The following PCDH12 variants were observed in gnomAD, a reference collection of about 807,000 sequenced individuals.
The protein encoded by PCDH12 is protocadherin-12.
A neutral mutation model predicts 70.9 loss-of-function variants in PCDH12; 45 were observed. That is an observed-to-expected ratio of 0.63 (90% CI 0.50 to 0.81). PCDH12 has a LOEUF of 0.81. Ranked by LOEUF, PCDH12 falls within the 40% of genes least tolerant of loss-of-function variation. The pLI, the probability that PCDH12 is intolerant of heterozygous loss-of-function variation, is 0.00. For missense variants in PCDH12, 1,370 were observed against 1,491.7 expected, an observed-to-expected ratio of 0.92 and a Z score of 1.34; for synonymous variants, 567 against 626.0, an observed-to-expected ratio of 0.91 and a Z score of 1.41.
At position 141,951,593 on chromosome 5, in the gene PCDH12, A is replaced by G; in HGVS notation, c.2881-3T>C. On this transcript the variant is annotated splice_polypyrimidine_tract_variant and splice_region_variant and intron_variant, in intron 1 of 3. Coordinates refer to ENST00000231484, the MANE Select transcript of PCDH12 (RefSeq NM_016580.4). ...AAGGACAGCAGCTGGGAGATTTGCT[A>G]CAAGACAGGAAAAATCTGTTGACTC... 6.2e-7 allele frequency: 1 copy of G among 1,612,140 alleles called. No homozygotes were observed. The highest frequency in any genetic ancestry group is 8.5e-7 in the Non-Finnish European group (1 of 1,178,126).
rs980719850 is a variant in PCDH12 at position 141,944,520 on chromosome 5, T to C, written c.*861A>G. The C allele has an allele frequency of 6.6e-6, 1 of 152,214 alleles. No homozygotes were observed. Among genetic ancestry groups the C allele is most frequent in the Non-Finnish European group, 1.5e-5 (1 of 68,068 alleles). The allele number at this position is 152,214 out of a possible 1,614,324, so 9.4% of individuals were successfully genotyped here. On this transcript the variant is annotated 3_prime_UTR_variant, in exon 4 of 4. Coordinates refer to ENST00000231484, the MANE Select transcript of PCDH12 (RefSeq NM_016580.4). ...CAGGCTGGTGTCAAGGTTGAAGGCA[T>C]GGGTTTTGGTGTTGGCCCAGCCTGG...
Position 141,955,010 on chromosome 5 carries a change from G to A in PCDH12, c.2842C>T (p.Pro948Ser), listed in dbSNP as rs773810499. 1 of 1,614,098 alleles carries A rather than the reference G, an allele frequency of 6.2e-7. No homozygotes were observed. The highest frequency in any genetic ancestry group is 1.7e-4 in the Middle Eastern group (1 of 6,056). ...GAATCCACAGTGAGCTCCTCCACGG[G>A]GTTCCGCTCGGCGAAGGCAGCCACA... ...LSVAAFAERN[P>S]VEELTVDSPP... The change falls in exon 1 of 4, where the codon CCC becomes TCC. Residue 948 changes from proline (P) to serine (S), a missense_variant. Physicochemically the swap from Pro to Ser is moderately conservative, Grantham distance 74. Transcript: ENST00000231484. This position sits in a 1 kb window ranked among gnomAD's most constrained non-coding sequence, Gnocchi z 5.5.
chr5:141,946,283 T>C (rs1238123464), intron 3 of PCDH12, among the ~76,000 whole-genome samples: 2 of 152,178 alleles, frequency 1.3e-5, no homozygotes, highest in Non-Finnish European at 2.9e-5. Flanking sequence ...GACCACATAT[T>C]AGGTACTTAC....
chr5:141,948,384 C>T (rs1260267605), intron 3 of PCDH12, among the ~76,000 whole-genome samples: 2 of 152,184 alleles, frequency 1.3e-5, no homozygotes, highest in Non-Finnish European at 2.9e-5. Context: ...AGATGGAGCA[C>T]ATGAGAAACA....
At position 141,946,038 on chromosome 5, in the gene PCDH12, G is replaced by C. The variant is rs117012609; in HGVS notation, c.3131-233C>G. On this transcript the variant is annotated intron_variant, in intron 3 of 3. Coordinates refer to ENST00000231484, the MANE Select transcript of PCDH12 (RefSeq NM_016580.4). ...GGCGAACCAAGTGGGGAAGCAGCAGGAGGAGGAGAAGGCCTAGAAGTAGAA... is the reference window on the plus strand; with the variant it reads ...GGCGAACCAAGTGGGGAAGCAGCAGCAGGAGGAGAAGGCCTAGAAGTAGAA... Among the ~76,000 whole-genome samples, 111 of 152,326 alleles carry C rather than the reference G, an allele frequency of 7.3e-4. 1 individual carries two copies. The East Asian group carries it at 0.017, about 23-fold the overall frequency.
At chr5:141,952,887 A>G (rs1406847966) in intron 1 of PCDH12, 1 of 152,204 alleles carries the variant, frequency 6.6e-6, no homozygotes, top group Non-Finnish European at 1.5e-5. Context: ...TAGGAGGTCC[A>G]CCATGCCCCT....
chr5:141,946,487 C>G (rs749991556), intron 3 of PCDH12, among the ~76,000 whole-genome samples: 78 of 152,316 alleles, frequency 5.1e-4, no homozygotes, highest in Non-Finnish European at 9.7e-4. Context: ...TACCCTCTCT[C>G]TGAAGAGCTG....
rs1753030791 is a variant in PCDH12 at position 141,949,541 on chromosome 5, T to C, written c.3021A>G (p.Gly1007=). The change falls in exon 3 of 4, where the codon GGA becomes GGG. Residue 1007 remains glycine (G), a synonymous_variant. Coordinates refer to ENST00000231484, the MANE Select transcript of PCDH12 (RefSeq NM_016580.4). ...PDTDGPSARA[G]GQTDPEQEEG... is the part of the protein sequence containing the mutation. ...CCTCCTGTTCTGGGTCTGTCTGGCC[T>C]CCAGCCCTTGCACTTGGGCCATCTG... 1.2e-6 allele frequency: 2 copies of C among 1,614,086 alleles called. No homozygotes were observed. Among genetic ancestry groups the C allele is most frequent in the African/African-American group, 2.7e-5 (2 of 74,936 alleles).
rs1162605866 is a variant in PCDH12, at chr5:141,955,682, C to T, written c.2170G>A (p.Val724Ile). 1 of 1,614,162 alleles carries T rather than the reference C, an allele frequency of 6.2e-7. No homozygotes were observed. Among genetic ancestry groups the T allele is most frequent in the Non-Finnish European group, 8.5e-7 (1 of 1,180,028 alleles). Reference protein sequence around the residue: ...MSMLTVICLAVLLGIFGLILA... With the variant: ...MSMLTVICLAILLGIFGLILA... Reference sequence around the variant, plus strand: ...ATCAACCCGAAGATGCCCAACAGTACAGCCAGGCAGATCACCGTCAGCATC... The same window carrying T: ...ATCAACCCGAAGATGCCCAACAGTATAGCCAGGCAGATCACCGTCAGCATC... Residue 724 changes from valine (V) to isoleucine (I), a missense_variant, in exon 1 of 4, where the codon GTA (valine) becomes ATA (isoleucine). Coordinates refer to ENST00000231484, the MANE Select transcript of PCDH12 (RefSeq NM_016580.4). This position sits in a 1 kb window ranked among gnomAD's most constrained non-coding sequence, Gnocchi z 5.5.
intron 3 of PCDH12, among the ~76,000 whole-genome samples, chr5:141,946,527 C>T (rs974740861): frequency 1.3e-5 from 2 of 152,154 alleles, no homozygotes; most frequent in East Asian, 1.9e-4. Context: ...ACTCCAGGTG[C>T]CCAGCTGGGG....
intron 2 of PCDH12, among the ~76,000 whole-genome samples, chr5:141,950,268 C>A (rs1210948978): frequency 6.6e-6 from 1 of 152,190 alleles, no homozygotes; most frequent in East Asian, 1.9e-4. Context: ...TGGGGACAGG[C>A]CTGGACCCTC....
Position 141,949,474 on chromosome 5 carries a change from G to T in PCDH12, c.3088C>A (p.Leu1030Met), listed in dbSNP as rs1232958866. Residue 1030 changes from leucine (L) to methionine (M), a missense_variant, in exon 3 of 4, where the codon CTG (leucine) becomes ATG (methionine). Leu to Met is a conservative substitution (Grantham distance 15). Transcript: ENST00000231484. The stretch of plus-strand genomic sequence containing the variant: ...AGACTTGACAGCTCTTCTTCTAGCA[G>T]TTGCTTCACAGAGAGGTCCTCTTCA... ...DPEEDLSVKQ[L>M]LEEELSSLLD... 1 of 1,614,018 alleles carries T rather than the reference G, an allele frequency of 6.2e-7. No homozygotes were observed. The highest frequency in any genetic ancestry group is 8.5e-7 in the Non-Finnish European group (1 of 1,180,016).
At position 141,945,915 on chromosome 5, in the gene PCDH12, A is replaced by G. The variant is rs1193435938; in HGVS notation, c.3131-110T>C. ...GCAGTGGACAAAGGAGGGAAGGGAAATGGCAGGGGACAGACAGAGTGGCCA... is the reference window on the plus strand; with the variant it reads ...GCAGTGGACAAAGGAGGGAAGGGAAGTGGCAGGGGACAGACAGAGTGGCCA... On this transcript the variant is annotated intron_variant, in intron 3 of 3. Coordinates refer to ENST00000231484, the MANE Select transcript of PCDH12 (RefSeq NM_016580.4). 2.5e-5 allele frequency: 25 copies of G among 980,894 alleles called. No homozygotes were observed. In the East Asian group the frequency reaches 4.0e-4, roughly 16 times the overall value. 60.8% of individuals were successfully genotyped at this position (980,894 alleles called of 1,614,324 possible).
rs943084408 is a variant in PCDH12, at chr5:141,958,036, T to C, written c.-185A>G. On this transcript the variant is annotated 5_prime_UTR_variant, in exon 1 of 4. It removes an upstream start codon present in the reference 5' UTR. Transcript: ENST00000231484. ...GGACCCCAAGGCAAGGCCATCTTCA[T>C]TGGAAGCGATCTGAGATGTCCAAAC... 16 of 663,838 alleles carry C rather than the reference T, an allele frequency of 2.4e-5. No homozygotes were observed. Among genetic ancestry groups the C allele is most frequent in the African/African-American group, 9.1e-5 (5 of 55,126 alleles). The allele number at this position is 663,838 out of a possible 1,614,324, so 41.1% of individuals were successfully genotyped here. A position where few individuals can be genotyped will look rare whatever the true frequency, so the allele number is the denominator to read the frequency against.
chr5:141,956,724 G>A lies in PCDH12; in HGVS notation c.1128C>T (p.Val376=). The A allele has an allele frequency of 6.2e-7, 1 of 1,614,258 alleles. No homozygotes were observed. Among genetic ancestry groups the A allele is most frequent in the East Asian group, 2.2e-5 (1 of 44,888 alleles). Residue 376 remains valine, a synonymous_variant, in exon 1 of 4, where the codon GTC becomes GTT. Coordinates refer to ENST00000231484, the MANE Select transcript of PCDH12 (RefSeq NM_016580.4). ...ALPKDSFIAL[V]MADDLDSGHN... is the part of the protein sequence containing the mutation. Reference sequence around the variant, plus strand: ...GTCCTGAATCCAAGTCATCTGCCATGACAAGAGCAATAAAACTGTCCTTGG... The same window carrying A: ...GTCCTGAATCCAAGTCATCTGCCATAACAAGAGCAATAAAACTGTCCTTGG...
In PCDH12 at chr5:141,956,958, A is replaced by G. The variant is rs1753195045; in HGVS notation, c.894T>C (p.Asp298=). The change falls in exon 1 of 4, where the codon GAT becomes GAC. Residue 298 remains aspartate (D), a synonymous_variant. Transcript: ENST00000231484. ...GCAGAATGACCTGGCCTGTCTTGGC[A>G]TCAATACTGAAGGTGTCCAGCACCT... is the stretch of plus-strand genomic sequence containing the variant. The part of the protein sequence containing the change: ...PPEVLDTFSI[D]AKTGQVILRR... The G allele has an allele frequency of 1.2e-6, 2 of 1,614,194 alleles. No homozygotes were observed. Among genetic ancestry groups the G allele is most frequent in the South Asian group, 1.1e-5 (1 of 91,082 alleles).
rs757056894 is a variant in PCDH12, at chr5:141,956,221, A to T, written c.1631T>A (p.Met544Lys). 30 of 1,614,068 alleles carry T rather than the reference A, an allele frequency of 1.9e-5. No homozygotes were observed. The highest frequency in any genetic ancestry group is 2.3e-5 in the Non-Finnish European group (27 of 1,180,038). ...QVIAEDSGQP[M>K]LASSVSVWVS... Reference sequence around the variant, plus strand: ...CCACACAGAGACACTGGATGCAAGCATGGGTTGCCCGCTGTCCTCTGCGAT... The same window carrying T: ...CCACACAGAGACACTGGATGCAAGCTTGGGTTGCCCGCTGTCCTCTGCGAT... Residue 544 changes from methionine (M) to lysine (K), a missense_variant, in exon 1 of 4, where the codon ATG becomes AAG. By Grantham distance (95) the Met-to-Lys change is moderately conservative (BLOSUM62 -1). Transcript: ENST00000231484.
At chr5:141,946,776 C>A (rs1271309407) in intron 3 of PCDH12, among the ~76,000 whole-genome samples, 1 of 152,148 alleles carries the variant, frequency 6.6e-6, no homozygotes, top group Admixed American at 6.5e-5. Flanking sequence ...CACAGTCACC[C>A]TTCTTTTCCC....
chr5:141,949,635 A>G (rs368108569), intron 2 of PCDH12, 52 bp from the exon 3 acceptor site: 1 of 1,578,912 alleles, frequency 6.3e-7, no homozygotes, highest in South Asian at 1.2e-5. Flanking sequence ...ATATAGATTC[A>G]TTCATTCATG....
Sources: allele counts gnomAD v4.1 joint callset (sites outside exome capture counted in the v4.1 genomes callset), GRCh38; gene constraint gnomAD v4.1.1; non-coding constraint Gnocchi (gnomAD v3.1); transcripts MANE v1.5; gene names NCBI Gene and HGNC (gene_info 2026-07-23, HGNC 2026-07-21).